SMG6: variants seen among roughly 807,000 people sequenced by gnomAD.
The protein encoded by SMG6 is telomerase-binding protein EST1A.
A neutral mutation model predicts 142.2 loss-of-function variants in SMG6; 66 were observed. The ratio of observed to expected loss-of-function variants is 0.46; its 90% CI spans 0.38 to 0.57. SMG6 has a LOEUF of 0.57. Among genes scored for constraint, SMG6 ranks in the 20% least tolerant of loss-of-function variants. The pLI is 0.00. For missense variants in SMG6, 1,793 were observed against 1,832.0 expected (o/e 0.98, Z 0.39); for synonymous variants, 779 against 702.4 (o/e 1.11, Z -1.72).
intron 8 of SMG6, among the ~76,000 whole-genome samples, chr17:2,256,465 T>A (rs1262656903): frequency 6.6e-6 from 1 of 152,008 alleles, no homozygotes; most frequent in East Asian, 1.9e-4. Context: ...GCATGAGTAT[T>A]TTAAAAAGAC....
intron 10 of SMG6, among the ~76,000 whole-genome samples, chr17:2,218,684 C>A (rs890909442): frequency 1.3e-5 from 2 of 152,186 alleles, no homozygotes; most frequent in East Asian, 3.9e-4. Context: ...CATGTCATCA[C>A]CTGAGGTGAG....
At chr17:2,156,645 T>A (rs535027527) in intron 13 of SMG6, among the ~76,000 whole-genome samples, 2 of 152,138 alleles carry the variant, frequency 1.3e-5, no homozygotes, top group Admixed American at 1.3e-4. Flanking sequence ...CTGTCTCTGT[T>A]TTGTTTTTTT....
At chr17:2,289,941 C>CATAT (rs3055883) in intron 6 of SMG6, among the ~76,000 whole-genome samples, 4,457 of 141,508 alleles carry the variant, frequency 0.031, 190 homozygotes, top group African/African-American at 0.095. Flanking sequence ...TTATTTTATA[C>CATAT]ATATATATAT....
At chr17:2,066,694 C>CACA (rs1375441508) in intron 16 of SMG6, among the ~76,000 whole-genome samples, 1 of 150,750 alleles carries the variant, frequency 6.6e-6, no homozygotes, top group Non-Finnish European at 1.5e-5. Context: ...CACACACACA[C>CACA]AATGCCCATG....
At chr17:2,094,404 A>G (rs1254803876) in intron 13 of SMG6, among the ~76,000 whole-genome samples, 1 of 152,080 alleles carries the variant, frequency 6.6e-6, no homozygotes, top group Non-Finnish European at 1.5e-5. Context: ...ACACCCAGCT[A>G]AGTTTTGTAT....
intron 8 of SMG6, among the ~76,000 whole-genome samples, chr17:2,270,873 A>G (rs2074528291): frequency 6.6e-6 from 1 of 152,178 alleles, no homozygotes; most frequent in Non-Finnish European, 1.5e-5. Flanking sequence ...ATCTTTCGAA[A>G]CAATAATTGG....
intron 8 of SMG6, among the ~76,000 whole-genome samples, chr17:2,259,673 CA>C (rs11289865): frequency 0.53 from 46,110 of 86,284 alleles, 8,670 homozygotes; most frequent in East Asian, 0.66. Flanking sequence ...ACCCTGTCTC[CA>C]AAAAAAAAAA....
intron 12 of SMG6, among the ~76,000 whole-genome samples, chr17:2,185,342 T>C (rs2071944631): frequency 6.6e-6 from 1 of 151,638 alleles, no homozygotes; most frequent in Non-Finnish European, 1.5e-5. Flanking sequence ...CAAATGGACC[T>C]AGACAAGCAC....
At chr17:2,200,389 A>C (rs938029933) in intron 10 of SMG6, among the ~76,000 whole-genome samples, 40 of 152,128 alleles carry the variant, frequency 2.6e-4, no homozygotes, top group African/African-American at 9.7e-4. Flanking sequence ...TCTAAGTTCC[A>C]GGGTACATGT....
chr17:2,174,285 T>C (rs907850657), intron 12 of SMG6, among the ~76,000 whole-genome samples: 8 of 152,188 alleles, frequency 5.3e-5, no homozygotes, highest in Non-Finnish European at 1.2e-4. Flanking sequence ...AGTTACTGCC[T>C]ATGAGTCCTA....
intron 10 of SMG6, among the ~76,000 whole-genome samples, chr17:2,208,632 G>C (rs1230887340): frequency 6.6e-6 from 1 of 152,230 alleles, no homozygotes; most frequent in Non-Finnish European, 1.5e-5. Flanking sequence ...TCTGTGCTGG[G>C]CACTTAGTTT....
Position 2,071,685 on chromosome 17 carries a change from A to G in SMG6, c.3682-2754T>C, listed in dbSNP as rs1279417737. 6.6e-6 allele frequency among the ~76,000 whole-genome samples: 1 copy of G among 152,146 alleles called. No homozygotes were observed. The highest frequency in any genetic ancestry group is 6.5e-5 in the Admixed American group (1 of 15,274). On this transcript the variant is annotated intron_variant, in intron 15 of 18. Coordinates refer to ENST00000263073, the MANE Select transcript of SMG6 (RefSeq NM_017575.5). This position sits in a 1 kb window ranked among gnomAD's most constrained non-coding sequence, Gnocchi z 5.6. ...TCCCCGCATGCCCTCATGGAGTCTC[A>G]GGAGATGAGATGAAGCTGCTCCCTT...
chr17:2,268,320 T>C (rs2151350393), intron 8 of SMG6, among the ~76,000 whole-genome samples: 1 of 152,330 alleles, frequency 6.6e-6, no homozygotes. Context: ...TCACCTTGTC[T>C]AAGGAAACCT....
chr17:2,236,917 T>G, intron 9 of SMG6: 1 of 939,020 alleles, frequency 1.1e-6, no homozygotes, highest in Non-Finnish European at 1.3e-6. Context: ...GTATGCTATT[T>G]CCTCACCCCT....
intron 6 of SMG6, among the ~76,000 whole-genome samples, chr17:2,289,843 G>A (rs1197434230): frequency 6.6e-6 from 1 of 151,472 alleles, no homozygotes; most frequent in East Asian, 1.9e-4. Flanking sequence ...AACCCAGGAG[G>A]CGGAGGTTAC....
At chr17:2,264,564 A>G (rs2074381500) in intron 8 of SMG6, among the ~76,000 whole-genome samples, 1 of 152,140 alleles carries the variant, frequency 6.6e-6, no homozygotes, top group Non-Finnish European at 1.5e-5. Flanking sequence ...TCACAAATCA[A>G]TCTCAATTCT....
chr17:2,087,704 G>T, intron 13 of SMG6: 4 of 987,362 alleles, frequency 4.1e-6, no homozygotes, highest in Non-Finnish European at 4.8e-6. Context: ...GATGAGGAAG[G>T]CTAGAAATAC....
chr17:2,230,338 G>GAAAAA (rs2073452742), intron 10 of SMG6, among the ~76,000 whole-genome samples: 1 of 10,602 alleles, frequency 9.4e-5, no homozygotes, highest in Non-Finnish European at 1.9e-4. Context: ...AAAAAAAAAG[G>GAAAAA]GAAAACCACA....
At chr17:2,194,018 C>T (rs781032564) in intron 10 of SMG6, among the ~76,000 whole-genome samples, 4 of 152,170 alleles carry the variant, frequency 2.6e-5, no homozygotes, top group African/African-American at 7.2e-5. Context: ...CTCGAACTCT[C>T]GGACTCAAGT....
Sources: allele counts gnomAD v4.1 joint callset (sites outside exome capture counted in the v4.1 genomes callset), GRCh38; gene constraint gnomAD v4.1.1; non-coding constraint Gnocchi (gnomAD v3.1); transcripts MANE v1.5; gene names NCBI Gene and HGNC (gene_info 2026-07-23, HGNC 2026-07-21).